ZNF727: variants seen among roughly 807,000 people sequenced by gnomAD.
ZNF727 encodes the protein zinc finger protein 727.
In ZNF727, 11 loss-of-function variants were observed where a neutral mutation model predicts 11.5. That is an observed-to-expected ratio of 0.95 (90% confidence interval 0.60 to 1.58). ZNF727 has a LOEUF of 1.58. Among genes scored for constraint, ZNF727 ranks in the 40% most tolerant of loss-of-function variants. ZNF727 has a pLI of 0.00. For missense variants in ZNF727, 533 were observed against 581.7 expected (o/e 0.92, Z 0.86); for synonymous variants, 171 against 196.1 (o/e 0.87, Z 1.07).
rs1347321416 is a variant in ZNF727 at position 64,079,455 on chromosome 7, T to C, written c.*906T>C. Among the ~76,000 whole-genome samples, 1 of 152,202 alleles carries C rather than the reference T, an allele frequency of 6.6e-6. No individual in the cohort carries two copies. Among genetic ancestry groups the C allele is most frequent in the Admixed American group, 6.5e-5 (1 of 15,284 alleles). ...TTATGTAATGCCATTTTTTGTCTTT[T>C]TAAAAAAATCTGTTGATTTAAAGTC... On this transcript the variant is annotated 3_prime_UTR_variant, in exon 4 of 4. Transcript: ENST00000456806.
chr7:64,067,292 G>A (rs1789884158), intron 1 of ZNF727, among the ~76,000 whole-genome samples: 2 of 152,148 alleles, frequency 1.3e-5, no homozygotes, highest in African/African-American at 4.8e-5. Flanking sequence ...CACTGTTCTT[G>A]GGAGTGTAAA....
chr7:64,077,320 A>G lies in ZNF727; in HGVS notation c.271A>G (p.Ile91Val), dbSNP rs1268384863. 4.5e-6 allele frequency: 7 copies of G among 1,550,054 alleles called. No homozygotes were observed. Among genetic ancestry groups the G allele is most frequent in the Non-Finnish European group, 6.1e-6 (7 of 1,146,590 alleles). ...TGCAGAGATATTGCTGGAGCACGAC[A>G]TAAACGATTCATTTCAAAAAGTGAT... Reference protein sequence around the residue: ...FTAEILLEHDINDSFQKVILR... With the variant: ...FTAEILLEHDVNDSFQKVILR... Residue 91 changes from isoleucine (I) to valine (V), a missense_variant, in exon 4 of 4, where the codon ATA (isoleucine) becomes GTA (valine). Ile to Val is a conservative substitution (Grantham distance 29). Coordinates refer to ENST00000456806, the MANE Select transcript of ZNF727 (RefSeq NM_001159522.3).
chr7:64,047,938 A>C (rs2116261744), intron 1 of ZNF727, among the ~76,000 whole-genome samples: 1 of 152,288 alleles, frequency 6.6e-6, no homozygotes, highest in East Asian at 1.9e-4. Context: ...TAAATTTGCA[A>C]AGCAAAATAC....
intron 1 of ZNF727, among the ~76,000 whole-genome samples, chr7:64,050,904 C>T (rs185594392): frequency 6.6e-6 from 1 of 151,770 alleles, no homozygotes; most frequent in Non-Finnish European, 1.5e-5. Flanking sequence ...ATTTTACCCA[C>T]GTAAATAGAA....
At chr7:64,066,192 T>C (rs1275785650) in intron 1 of ZNF727, among the ~76,000 whole-genome samples, 1 of 152,106 alleles carries the variant, frequency 6.6e-6, no homozygotes, top group Non-Finnish European at 1.5e-5. Flanking sequence ...TGCTCATGGA[T>C]AGGAAGAATC....
intron 3 of ZNF727, among the ~76,000 whole-genome samples, chr7:64,076,160 G>A (rs1055160766): frequency 2.6e-5 from 4 of 151,718 alleles, no homozygotes; most frequent in South Asian, 2.1e-4. Flanking sequence ...AACAATATTC[G>A]GACAGAAGTC....
At chr7:64,071,023 C>T (rs1271673908) in intron 3 of ZNF727, among the ~76,000 whole-genome samples, 3 of 151,768 alleles carry the variant, frequency 2.0e-5, no homozygotes, top group African/African-American at 7.3e-5. Context: ...AGTCAGTTTC[C>T]ACAAACACTT....
chr7:64,075,742 A>T (rs951360280), intron 3 of ZNF727, among the ~76,000 whole-genome samples: 31 of 152,242 alleles, frequency 2.0e-4, no homozygotes, highest in East Asian at 9.7e-4. Context: ...GGAGGAAGGG[A>T]GGAAAGAGAC....
At chr7:64,046,279 C>G (rs1323085155) in intron 1 of ZNF727, among the ~76,000 whole-genome samples, 1 of 152,132 alleles carries the variant, frequency 6.6e-6, no homozygotes, top group Non-Finnish European at 1.5e-5. Context: ...GATCCGCCCC[C>G]CTCGGGCCTC....
At chr7:64,059,036 C>T (rs552641144) in intron 1 of ZNF727, among the ~76,000 whole-genome samples, 1 of 151,568 alleles carries the variant, frequency 6.6e-6, no homozygotes, top group Non-Finnish European at 1.5e-5. Flanking sequence ...CCTCCGCCTC[C>T]CGGGTTCAAG....
intron 1 of ZNF727, among the ~76,000 whole-genome samples, chr7:64,054,914 G>T (rs1316980895): frequency 6.6e-6 from 1 of 151,926 alleles, no homozygotes; most frequent in Non-Finnish European, 1.5e-5. Context: ...GGTGATTTTT[G>T]TGTCTTTTAA....
chr7:64,069,681 A>G, intron 3 of ZNF727, 72 bp downstream of exon 3: 1 of 1,187,210 alleles, frequency 8.4e-7, no homozygotes. Context: ...CAGACCTTGA[A>G]ACATGCTTCC....
chr7:64,073,882 C>T (rs140210132), intron 3 of ZNF727, among the ~76,000 whole-genome samples: 1 of 152,262 alleles, frequency 6.6e-6, no homozygotes, highest in Non-Finnish European at 1.5e-5. Context: ...TCTTCTAGCA[C>T]ATACAAACTA....
chr7:64,076,791 A>G (rs1785667323), intron 3 of ZNF727, among the ~76,000 whole-genome samples: 3 of 152,164 alleles, frequency 2.0e-5, no homozygotes, highest in Admixed American at 6.5e-5. Context: ...TTCTCTGTCT[A>G]TGACACTGAA....
Position 64,077,775 on chromosome 7 carries a change from C to A in ZNF727, c.726C>A (p.Ala242=). Residue 242 remains alanine (A), a synonymous_variant, in exon 4 of 4, where the codon GCC becomes GCA. Coordinates refer to ENST00000456806, the MANE Select transcript of ZNF727 (RefSeq NM_001159522.3). ...GCAAAACATTTACCTGTTCCTCAGC[C>A]CTTACTAAACACAAGAGAAATCATA... The part of the protein sequence containing the change: ...ECGKTFTCSS[A]LTKHKRNHTG... 6.3e-7 allele frequency: 1 copy of A among 1,575,902 alleles called. No homozygotes were observed. Among genetic ancestry groups the A allele is most frequent in the Non-Finnish European group, 8.6e-7 (1 of 1,160,342 alleles).
Position 64,080,406 on chromosome 7 carries a change from C to T in ZNF727, c.*1857C>T, listed in dbSNP as rs1220914321. ...TTATTTCAGAAAGCCAGTCTTGAAG[C>T]TCTGAGATTCTTCCCTCTGCTTGGC... On this transcript the variant is annotated 3_prime_UTR_variant, in exon 4 of 4. Coordinates refer to ENST00000456806, the MANE Select transcript of ZNF727 (RefSeq NM_001159522.3). Among the ~76,000 whole-genome samples the T allele has an allele frequency of 1.3e-5, 2 of 152,084 alleles. No homozygotes were observed. The highest frequency in any genetic ancestry group is 2.1e-4 in the South Asian group (1 of 4,836).
chr7:64,074,805 C>T (rs184744200), intron 3 of ZNF727, among the ~76,000 whole-genome samples: 1 of 152,266 alleles, frequency 6.6e-6, no homozygotes, highest in Admixed American at 6.5e-5. Flanking sequence ...ATCTACTCAG[C>T]TCACAGAACG....
chr7:64,085,114 CTA>C lies in ZNF727; in HGVS notation c.*6567_*6568del, dbSNP rs1229448076. 6.6e-6 allele frequency among the ~76,000 whole-genome samples: 1 copy of C among 152,112 alleles called. No homozygotes were observed. The highest frequency in any genetic ancestry group is 1.5e-5 in the Non-Finnish European group (1 of 68,000). ...CTAATTTCAGAAAACATTATTTGTA[CTA>C]TCCCCTCAGAGATTATGAAAGTGAC... is the stretch of plus-strand genomic sequence containing the variant. On this transcript the variant is annotated 3_prime_UTR_variant, in exon 4 of 4. Transcript: ENST00000456806.
Position 64,072,816 on chromosome 7 carries a change from A to G in ZNF727, c.226+3207A>G, listed in dbSNP as rs917477001. 1.2e-4 allele frequency among the ~76,000 whole-genome samples: 19 copies of G among 152,088 alleles called. 1 individual carries two copies. The highest frequency in any genetic ancestry group is 1.0e-3 in the Admixed American group (16 of 15,254). ...TGCCTTTTCAAAATGACTCCAATCA[A>G]TCTTTAGTTCTAGCAGGTTTTAAAA... On this transcript the variant is annotated intron_variant, in intron 3 of 3. Coordinates refer to ENST00000456806, the MANE Select transcript of ZNF727 (RefSeq NM_001159522.3).
Sources: allele counts gnomAD v4.1 joint callset (sites outside exome capture counted in the v4.1 genomes callset), GRCh38; gene constraint gnomAD v4.1.1; transcripts MANE v1.5; gene names NCBI Gene and HGNC (gene_info 2026-07-23, HGNC 2026-07-21).